Variants in CACNB1 observed in about 807,000 individuals in gnomAD.
The protein encoded by CACNB1 is calcium voltage-gated channel auxiliary subunit beta 1, also known as voltage-dependent L-type calcium channel subunit beta-1.
In CACNB1, 29 loss-of-function variants were observed where a neutral mutation model predicts 71.6. That is an observed-to-expected ratio of 0.40 (90% CI 0.30 to 0.55). The LOEUF (loss-of-function observed/expected upper bound fraction) is 0.55, where lower values mean the gene tolerates loss of function less well. Ranked by LOEUF, CACNB1 falls within the 20% of genes least tolerant of loss-of-function variation. The pLI is 0.38. For synonymous variants in CACNB1, 300 were observed against 319.6 expected, an observed-to-expected ratio of 0.94 and a Z score of 0.65; for missense variants, 623 against 801.8, an observed-to-expected ratio of 0.78 and a Z score of 2.69.
chr17:39,186,429 C>A lies in CACNB1; in HGVS notation c.628+67G>T. ...TTCCTACTGCAGGGAAAGGAGGATT[C>A]AGGGAGTGGGGAGACCACCCCACCC... On this transcript the variant is annotated intron_variant, in intron 6 of 13. Transcript: ENST00000394303. This position sits in a 1 kb window ranked among gnomAD's most constrained non-coding sequence, Gnocchi z 4.1. The A allele has an allele frequency of 8.6e-7, 1 of 1,165,860 alleles. No individual in the cohort carries two copies. Among genetic ancestry groups the A allele is most frequent in the Admixed American group, 2.0e-5 (1 of 49,604 alleles). The allele number at this position is 1,165,860 out of a possible 1,614,324, so 72.2% of individuals were successfully genotyped here.
chr17:39,176,805 T>G (rs933219344), intron 13 of CACNB1, among the ~76,000 whole-genome samples: 41 of 152,040 alleles, frequency 2.7e-4, no homozygotes, highest in African/African-American at 9.6e-4. Context: ...GGGAGAATGG[T>G]GGAAGGTTCA....
intron 1 of CACNB1, 43 bp from the exon 2 acceptor site, chr17:39,195,013 C>A (rs1368996558): frequency 1.5e-6 from 2 of 1,372,734 alleles, no homozygotes; most frequent in Non-Finnish European, 2.1e-6. Context: ...TCAGAAGGGC[C>A]CTTTCCCAAC....
At chr17:39,185,012 C>T in intron 7 of CACNB1, 119 bp downstream of exon 7, 1 of 1,052,662 alleles carries the variant, frequency 9.5e-7, no homozygotes, top group Non-Finnish European at 1.5e-6. Context: ...GGAGGGATGG[C>T]CAGGGAGAAC....
Position 39,187,525 on chromosome 17 carries a change from C to G in CACNB1, c.368G>C (p.Gly123Ala). Reference sequence around the variant, plus strand: ...TTTGGGCTCGAAGGTGATGGCCACTCCCTGCACAGGCACCTCATCCCCTGG... The same window carrying G: ...TTTGGGCTCGAAGGTGATGGCCACTGCCTGCACAGGCACCTCATCCCCTGG... Reference protein sequence around the residue: ...PSPGDEVPVQGVAITFEPKDF... With the variant: ...PSPGDEVPVQAVAITFEPKDF... The change falls in exon 4 of 14, where the codon GGA becomes GCA. Residue 123 changes from glycine (G) to alanine (A), a missense_variant. Coordinates refer to ENST00000394303, the MANE Select transcript of CACNB1 (RefSeq NM_000723.5). The G allele has an allele frequency of 6.2e-7, 1 of 1,614,146 alleles. No homozygotes were observed. The highest frequency in any genetic ancestry group is 8.5e-7 in the Non-Finnish European group (1 of 1,180,006).
At chr17:39,193,108 A>G in intron 2 of CACNB1, 1 of 218,098 alleles carries the variant, frequency 4.6e-6, no homozygotes. Context: ...ATACGCGCGC[A>G]CACACTCACT....
At chr17:39,197,342 C>T (rs947117632) in intron 1 of CACNB1, 70 bp downstream of exon 1, 3 of 1,055,628 alleles carry the variant, frequency 2.8e-6, no homozygotes, top group South Asian at 1.9e-5. Context: ...TCTCCCGCGC[C>T]TCTCGAGCCG....
intron 3 of CACNB1, among the ~76,000 whole-genome samples, chr17:39,190,788 T>C (rs2046056360): frequency 6.6e-6 from 1 of 152,224 alleles, no homozygotes; most frequent in South Asian, 2.1e-4. Context: ...CCAGGTACCA[T>C]GTTACACACT....
intron 3 of CACNB1, among the ~76,000 whole-genome samples, chr17:39,189,362 C>CAAAAT (rs199945027): frequency 0.024 from 3,584 of 150,936 alleles, 144 homozygotes; most frequent in African/African-American, 0.074. Context: ...GACTCCGTCT[C>CAAAAT]AAAATAAAAT....
chr17:39,191,725 A>C (rs2046085880), intron 2 of CACNB1, 132 bp from the exon 3 acceptor site: 1 of 847,350 alleles, frequency 1.2e-6, no homozygotes. Context: ...ACAAGGGCTA[A>C]GACAAGGTGG....
intron 1 of CACNB1, among the ~76,000 whole-genome samples, chr17:39,197,154 A>G (rs2046217434): frequency 6.6e-6 from 1 of 152,092 alleles, no homozygotes; most frequent in South Asian, 2.1e-4. Context: ...CCCAAGCGGC[A>G]GGAACCTTGA....
At position 39,175,683 on chromosome 17, in the gene CACNB1, C is replaced by T. The variant is rs752591041; in HGVS notation, c.1333-26G>A. On this transcript the variant is annotated intron_variant, in intron 13 of 13. Coordinates refer to ENST00000394303, the MANE Select transcript of CACNB1 (RefSeq NM_000723.5). The surrounding 1 kb of genome is among the most constrained non-coding windows in gnomAD (Gnocchi z 4.7). Reference sequence around the variant, plus strand: ...CTGGTTAGCAGACGGACAGCACACACCATGCAGATCAGGCAGGGGTGAGAA... The same window carrying T: ...CTGGTTAGCAGACGGACAGCACACATCATGCAGATCAGGCAGGGGTGAGAA... 21 of 1,491,676 alleles carry T rather than the reference C, an allele frequency of 1.4e-5. No homozygotes were observed. In the African/African-American group the frequency reaches 2.0e-4, roughly 14 times the overall value. 92.4% of individuals were successfully genotyped at this position (1,491,676 alleles called of 1,614,324 possible).
Position 39,184,160 on chromosome 17 carries a change from G to A in CACNB1, c.789-20C>T, listed in dbSNP as rs2045867677. The A allele has an allele frequency of 1.3e-6, 2 of 1,511,068 alleles. No homozygotes were observed. The highest frequency in any genetic ancestry group is 1.8e-6 in the Non-Finnish European group (2 of 1,086,812). 93.6% of individuals were successfully genotyped at this position (1,511,068 alleles called of 1,614,324 possible). ...GAGATCCTGGGGAATGGGGCAAGAGGGGAGTCAGGGGTCAGGGTGGGCTGG... is the reference window on the plus strand; with the variant it reads ...GAGATCCTGGGGAATGGGGCAAGAGAGGAGTCAGGGGTCAGGGTGGGCTGG... On this transcript the variant is annotated intron_variant, in intron 9 of 13. Coordinates refer to ENST00000394303, the MANE Select transcript of CACNB1 (RefSeq NM_000723.5).
chr17:39,194,820 G>T lies in CACNB1; in HGVS notation c.171+64C>A. ...GTGCCTGGACAATACCGCAGACCTGGCTCACCAATGCTGGTCTCCACCAAC... is the reference window on the plus strand; with the variant it reads ...GTGCCTGGACAATACCGCAGACCTGTCTCACCAATGCTGGTCTCCACCAAC... On this transcript the variant is annotated intron_variant, in intron 2 of 13. Transcript: ENST00000394303. The surrounding 1 kb of genome is among the most constrained non-coding windows in gnomAD (Gnocchi z 4.6). 1.8e-6 allele frequency: 2 copies of T among 1,121,784 alleles called. No homozygotes were observed. The highest frequency in any genetic ancestry group is 1.3e-6 in the Non-Finnish European group (1 of 751,218). The allele number at this position is 1,121,784 out of a possible 1,614,324, so 69.5% of individuals were successfully genotyped here.
Position 39,194,809 on chromosome 17 carries a change from C to T in CACNB1, c.171+75G>A, listed in dbSNP as rs1369691632. 8 of 1,025,698 alleles carry T rather than the reference C, an allele frequency of 7.8e-6. No individual in the cohort carries two copies. Among genetic ancestry groups the T allele is most frequent in the South Asian group, 1.4e-5 (1 of 70,178 alleles). 63.5% of individuals were successfully genotyped at this position (1,025,698 alleles called of 1,614,324 possible). A position where few individuals can be genotyped will look rare whatever the true frequency, so the allele number is the denominator to read the frequency against. ...CACAGGGAAGGGTGCCTGGACAATA[C>T]CGCAGACCTGGCTCACCAATGCTGG... On this transcript the variant is annotated intron_variant, in intron 2 of 13. Transcript: ENST00000394303. The surrounding 1 kb of genome is among the most constrained non-coding windows in gnomAD (Gnocchi z 4.6).
At chr17:39,188,640 AAAC>A (rs1047626173) in intron 3 of CACNB1, among the ~76,000 whole-genome samples, 2 of 152,226 alleles carry the variant, frequency 1.3e-5, no homozygotes, top group African/African-American at 4.8e-5. Flanking sequence ...TTACAATAAA[AAAC>A]AAGAAAGCAA....
chr17:39,182,353 C>G (rs1263811815), intron 11 of CACNB1, among the ~76,000 whole-genome samples: 1 of 149,414 alleles, frequency 6.7e-6, no homozygotes, highest in Non-Finnish European at 1.5e-5. Context: ...GTAACTGGTC[C>G]AGGGAGCCCA....
rs2045567967 is a variant in CACNB1 at position 39,175,956 on chromosome 17, G to A, written c.1333-299C>T. On this transcript the variant is annotated intron_variant, in intron 13 of 13. Transcript: ENST00000394303. This position sits in a 1 kb window ranked among gnomAD's most constrained non-coding sequence, Gnocchi z 4.7. ...AGCCATGAGTCACCGCTTCCTCAGTGCAGGTCATTAATGCTATCTTGGGGC... is the reference window on the plus strand; with the variant it reads ...AGCCATGAGTCACCGCTTCCTCAGTACAGGTCATTAATGCTATCTTGGGGC... Among the ~76,000 whole-genome samples the A allele has an allele frequency of 6.6e-6, 1 of 152,216 alleles. No individual in the cohort carries two copies. Among genetic ancestry groups the A allele is most frequent in the Non-Finnish European group, 1.5e-5 (1 of 68,038 alleles).
intron 11 of CACNB1, among the ~76,000 whole-genome samples, chr17:39,181,738 T>C (rs1321465297): frequency 6.6e-6 from 1 of 152,096 alleles, no homozygotes; most frequent in Non-Finnish European, 1.5e-5. Flanking sequence ...TTAAGTAGGC[T>C]GGGCGCGGTG....
intron 3 of CACNB1, among the ~76,000 whole-genome samples, chr17:39,188,281 T>C (rs969681436): frequency 3.6e-5 from 5 of 138,794 alleles, no homozygotes; most frequent in African/African-American, 1.3e-4. Flanking sequence ...AGACTCTGTC[T>C]AAAAAAAAAA....
Sources: gnomAD v4.1 joint callset for allele counts (sites outside exome capture counted in the v4.1 genomes callset) on GRCh38, gnomAD v4.1.1 for gene constraint, Gnocchi (gnomAD v3.1) non-coding constraint, MANE v1.5 for transcripts, NCBI Gene and HGNC (gene_info 2026-07-23, HGNC 2026-07-21) for gene names.